KCNG3: variants seen among roughly 807,000 people sequenced by gnomAD.
The protein encoded by KCNG3 is potassium voltage-gated channel modifier subfamily G member 3.
KCNG3 carries 15 observed loss-of-function variants against 29.0 expected under a neutral mutation model. The observed-to-expected ratio is 0.52, with a 90% CI of 0.35 to 0.80. KCNG3 has a LOEUF of 0.80. Among genes scored for constraint, KCNG3 ranks in the 30% least tolerant of loss-of-function variants. The pLI, the probability that KCNG3 is intolerant of heterozygous loss-of-function variation, is 0.01. For missense variants in KCNG3, 512 were observed against 605.7 expected (o/e 0.85, Z 1.62); for synonymous variants, 322 against 248.9 (o/e 1.29, Z -2.76).
At chr2:42,409,646 G>T in the KCNG3 span, among the ~76,000 whole-genome samples, 1 of 140,026 alleles carries the variant, frequency 7.1e-6, no homozygotes, top group Non-Finnish European at 1.5e-5. Flanking sequence ...AGAGTTTGCA[G>T]TGAGCCATGA....
At chr2:42,466,135 A>G (rs1020275127) in intron 1 of KCNG3, among the ~76,000 whole-genome samples, 4 of 152,166 alleles carry the variant, frequency 2.6e-5, no homozygotes, top group Non-Finnish European at 4.4e-5. Flanking sequence ...GCTAGGCACA[A>G]TGGCTCACAT....
the KCNG3 span, among the ~76,000 whole-genome samples, chr2:42,421,912 T>C: frequency 2.6e-5 from 4 of 152,280 alleles, no homozygotes; most frequent in East Asian, 5.8e-4. Flanking sequence ...TTTAATCTGG[T>C]TGGTTAGTAA....
the KCNG3 span, among the ~76,000 whole-genome samples, chr2:42,428,262 C>A: frequency 2.0e-5 from 3 of 151,320 alleles, no homozygotes; most frequent in African/African-American, 7.3e-5. Flanking sequence ...GACTTCGAGA[C>A]CAGCCTGGCC....
the KCNG3 span, among the ~76,000 whole-genome samples, chr2:42,432,884 G>A: frequency 6.7e-6 from 1 of 148,474 alleles, no homozygotes; most frequent in African/African-American, 2.5e-5. Context: ...CTTAACTCAC[G>A]AAGTCTGTCC....
chr2:42,476,352 C>G (rs1419608163), intron 1 of KCNG3, among the ~76,000 whole-genome samples: 1 of 151,910 alleles, frequency 6.6e-6, no homozygotes, highest in Admixed American at 6.6e-5. Flanking sequence ...TGGCACAGGC[C>G]TGGAATCTCA....
chr2:42,472,585 T>C (rs961600997), intron 1 of KCNG3, among the ~76,000 whole-genome samples: 1 of 148,968 alleles, frequency 6.7e-6, no homozygotes, highest in African/African-American at 2.5e-5. Flanking sequence ...CTGCAACCTC[T>C]CTCTCCTGGG....
chr2:42,422,499 A>G, the KCNG3 span, among the ~76,000 whole-genome samples: 11 of 152,236 alleles, frequency 7.2e-5, no homozygotes, highest in East Asian at 2.1e-3. Flanking sequence ...ATGAACTAAG[A>G]CACTGACAAT....
the KCNG3 span, among the ~76,000 whole-genome samples, chr2:42,431,415 T>A: frequency 2.0e-5 from 3 of 152,136 alleles, no homozygotes; most frequent in African/African-American, 4.8e-5. Context: ...CACATTTGCA[T>A]TGAAGATTAA....
the KCNG3 span, among the ~76,000 whole-genome samples, chr2:42,414,408 T>A: frequency 2.0e-5 from 3 of 152,220 alleles, no homozygotes; most frequent in African/African-American, 7.2e-5. Context: ...TGGCAATGAT[T>A]TGTGCTAAAA....
At chr2:42,430,077 A>T in the KCNG3 span, among the ~76,000 whole-genome samples, 4 of 152,182 alleles carry the variant, frequency 2.6e-5, no homozygotes. Context: ...TAAGGTAACC[A>T]ACTAGGGGGG....
chr2:42,452,228 T>C (rs1354615550), intron 1 of KCNG3, among the ~76,000 whole-genome samples: 5 of 66,160 alleles, frequency 7.6e-5, no homozygotes, highest in African/African-American at 3.0e-4. Context: ...TAAATATATA[T>C]ATATATATAT....
At position 42,444,325 on chromosome 2, in the gene KCNG3, A is replaced by G. The variant is rs1209612063; in HGVS notation, c.920T>C (p.Ile307Thr). Residue 307 changes from isoleucine (I) to threonine (T), a missense_variant, in exon 2 of 2, where the codon ATT becomes ACT. Ile to Thr is a moderately conservative substitution (Grantham distance 89, BLOSUM62 -1). This residue lies in a region of KCNG3 where 173 missense variants were observed against 262.4 expected (regional missense o/e 0.66). Transcript: ENST00000306078. This position sits in a 1 kb window ranked among gnomAD's most constrained non-coding sequence, Gnocchi z 5.8. ...FWVIKLARHFIGLQTLGLTLK... is the reference protein window; with the variant it reads ...FWVIKLARHFTGLQTLGLTLK... Reference sequence around the variant, plus strand: ...AGTCAAACCGAGTGTCTGAAGACCAATGAAGTGACGGGCAAGCTTAATCAC... The same window carrying G: ...AGTCAAACCGAGTGTCTGAAGACCAGTGAAGTGACGGGCAAGCTTAATCAC... The G allele has an allele frequency of 3.7e-6, 6 of 1,614,098 alleles. No individual in the cohort carries two copies. Among genetic ancestry groups the G allele is most frequent in the Non-Finnish European group, 5.1e-6 (6 of 1,180,042 alleles).
intron 1 of KCNG3, among the ~76,000 whole-genome samples, chr2:42,483,816 G>C (rs1673650407): frequency 6.6e-6 from 1 of 152,154 alleles, no homozygotes; most frequent in South Asian, 2.1e-4. Flanking sequence ...TTTCGAGACA[G>C]GGTCTTGCTC....
At chr2:42,419,987 C>G in the KCNG3 span, among the ~76,000 whole-genome samples, 1 of 152,188 alleles carries the variant, frequency 6.6e-6, no homozygotes, top group South Asian at 2.1e-4. Context: ...CTTTGGGAGG[C>G]TGAGGCGGGC....
the KCNG3 span, among the ~76,000 whole-genome samples, chr2:42,403,206 T>C: frequency 1.3e-5 from 2 of 152,144 alleles, no homozygotes; most frequent in Non-Finnish European, 2.9e-5. Context: ...AGTGGCACGA[T>C]CATGGCTCAC....
chr2:42,402,553 C>T, the KCNG3 span, among the ~76,000 whole-genome samples: 15 of 152,264 alleles, frequency 9.9e-5, no homozygotes, highest in African/African-American at 2.9e-4. Context: ...TGTTTTTTCA[C>T]GCACAGATGT....
chr2:42,492,356 A>G (rs1053153001), intron 1 of KCNG3, among the ~76,000 whole-genome samples: 7 of 152,324 alleles, frequency 4.6e-5, no homozygotes, highest in African/African-American at 1.7e-4. Flanking sequence ...TACAGCACAT[A>G]GTATGCCGGG....
At chr2:42,419,685 A>G in the KCNG3 span, among the ~76,000 whole-genome samples, 40 of 152,370 alleles carry the variant, frequency 2.6e-4, no homozygotes, top group Non-Finnish European at 4.6e-4. Flanking sequence ...TTGAACTTTC[A>G]GCCTTCTGAT....
chr2:42,448,344 CTTATTTATTTAT>C (rs5830729), intron 1 of KCNG3, among the ~76,000 whole-genome samples: 63 of 145,758 alleles, frequency 4.3e-4, no homozygotes, highest in East Asian at 1.4e-3. Context: ...CCACTTCCCA[CTTATTTATTTAT>C]TTATTTATTT....
Sources: allele counts gnomAD v4.1 joint callset (sites outside exome capture counted in the v4.1 genomes callset), GRCh38; gene constraint gnomAD v4.1.1; regional missense constraint gnomAD v4.1.1; non-coding constraint Gnocchi (gnomAD v3.1); transcripts MANE v1.5; gene names NCBI Gene and HGNC (gene_info 2026-07-23, HGNC 2026-07-21).